FLRT2: variants seen among roughly 807,000 people sequenced by gnomAD.
FLRT2 encodes the protein fibronectin leucine rich transmembrane protein 2.
In FLRT2, 15 loss-of-function variants were observed where a neutral mutation model predicts 40.0. The ratio of observed to expected loss-of-function variants is 0.38; its 90% CI spans 0.25 to 0.58. The LOEUF (loss-of-function observed/expected upper bound fraction) is 0.58. Among genes scored for constraint, FLRT2 ranks in the 20% least tolerant of loss-of-function variants. FLRT2 has a pLI of 0.71. For synonymous variants in FLRT2, 380 were observed against 336.8 expected (o/e 1.13, Z -1.41); for missense variants, 726 against 840.0 (o/e 0.86, Z 1.68).
At chr14:85,565,077 T>C (rs1440873675) in intron 1 of FLRT2, among the ~76,000 whole-genome samples, 2 of 152,212 alleles carry the variant, frequency 1.3e-5, no homozygotes, top group African/African-American at 4.8e-5. Flanking sequence ...TAAAGTGTTA[T>C]TTTAAACCAG....
At chr14:85,546,258 C>T (rs895049058) in intron 1 of FLRT2, among the ~76,000 whole-genome samples, 2 of 152,140 alleles carry the variant, frequency 1.3e-5, no homozygotes, top group Non-Finnish European at 2.9e-5. Context: ...TGGTATTTCT[C>T]TGTAAATATT....
chr14:85,595,555 G>T lies in FLRT2; in HGVS notation c.-376-25584G>T, dbSNP rs536194320. 8.6e-5 allele frequency among the ~76,000 whole-genome samples: 13 copies of T among 151,986 alleles called. No homozygotes were observed. The East Asian group carries it at 2.5e-3, about 30-fold the overall frequency. On this transcript the variant is annotated intron_variant, in intron 1 of 1. Coordinates refer to ENST00000330753, the MANE Select transcript of FLRT2 (RefSeq NM_013231.6). The stretch of plus-strand genomic sequence containing the variant: ...ATATGTGCTTGTTTGTTACATATGT[G>T]TATATGCACACAGCTATGAGAAATC...
At chr14:85,603,329 C>T (rs1426918904) in intron 1 of FLRT2, among the ~76,000 whole-genome samples, 3 of 151,600 alleles carry the variant, frequency 2.0e-5, no homozygotes, top group Admixed American at 6.6e-5. Context: ...AGGTTCCGGG[C>T]ATCGATTATG....
At chr14:85,550,228 A>G (rs576490330) in intron 1 of FLRT2, among the ~76,000 whole-genome samples, 83 of 152,242 alleles carry the variant, frequency 5.5e-4, no homozygotes, top group African/African-American at 2.0e-3. Flanking sequence ...TAAACGAGAA[A>G]ATAGCCACAT....
chr14:85,654,135 A>G lies in FLRT2; in HGVS notation c.*30638A>G, dbSNP rs1010976979. 3.3e-5 allele frequency: 5 copies of G among 152,080 alleles called. No homozygotes were observed. Among genetic ancestry groups the G allele is most frequent in the East Asian group, 1.9e-4 (1 of 5,164 alleles). 9.4% of individuals were successfully genotyped at this position (152,080 alleles called of 1,614,324 possible). A position where few individuals can be genotyped will look rare whatever the true frequency, so the allele number is the denominator to read the frequency against. On this transcript the variant is annotated 3_prime_UTR_variant, in exon 2 of 2. Coordinates refer to ENST00000330753, the MANE Select transcript of FLRT2 (RefSeq NM_013231.6). ...TACCTTGATGTTTATGTCTATGCCA[A>G]ACTTGCTCTGCTGAGTTCCTGGTGG... is the stretch of plus-strand genomic sequence containing the variant.
intron 1 of FLRT2, among the ~76,000 whole-genome samples, chr14:85,576,266 C>CA (rs1014665433): frequency 6.6e-6 from 1 of 151,960 alleles, no homozygotes; most frequent in Non-Finnish European, 1.5e-5. Context: ...TAAGTATTTA[C>CA]TTTTTTTTGT....
intron 1 of FLRT2, among the ~76,000 whole-genome samples, chr14:85,539,945 C>G (rs977728058): frequency 2.0e-5 from 3 of 152,188 alleles, no homozygotes; most frequent in Non-Finnish European, 4.4e-5. Flanking sequence ...GGATTATCTC[C>G]TTTTCTGAGT....
At chr14:85,613,974 G>T (rs2139357105) in intron 1 of FLRT2, among the ~76,000 whole-genome samples, 1 of 152,228 alleles carries the variant, frequency 6.6e-6, no homozygotes, top group South Asian at 2.1e-4. Context: ...ACCAAATTAG[G>T]GACAAATGCT....
rs935078759 is a variant in FLRT2 at position 85,645,867 on chromosome 14, A to G, written c.*22370A>G. ...TGGTAGAGTCAATACTGAGTACCTAAGAGCCCAATTCTGATACTCTCATAT... is the reference window on the plus strand; with the variant it reads ...TGGTAGAGTCAATACTGAGTACCTAGGAGCCCAATTCTGATACTCTCATAT... On this transcript the variant is annotated 3_prime_UTR_variant, in exon 2 of 2. Coordinates refer to ENST00000330753, the MANE Select transcript of FLRT2 (RefSeq NM_013231.6). 6.6e-6 allele frequency: 1 copy of G among 152,184 alleles called. No homozygotes were observed. Among genetic ancestry groups the G allele is most frequent in the Admixed American group, 6.5e-5 (1 of 15,272 alleles). The allele number at this position is 152,184 out of a possible 1,614,324, so 9.4% of individuals were successfully genotyped here. A position where few individuals can be genotyped will look rare whatever the true frequency, so the allele number is the denominator to read the frequency against.
rs1003025809 is a variant in FLRT2, at chr14:85,624,506, T to C, written c.*1009T>C. The C allele has an allele frequency of 2.4e-5, 4 of 167,076 alleles. No homozygotes were observed. The highest frequency in any genetic ancestry group is 5.9e-5 in the Non-Finnish European group (4 of 68,120). The allele number at this position is 167,076 out of a possible 1,614,324, so 10.3% of individuals were successfully genotyped here. ...GTTTGGAAAATACAACAATGACTTATTTAAAAATTACCCTTCCTGCTATTT... is the reference window on the plus strand; with the variant it reads ...GTTTGGAAAATACAACAATGACTTACTTAAAAATTACCCTTCCTGCTATTT... On this transcript the variant is annotated 3_prime_UTR_variant, in exon 2 of 2. Coordinates refer to ENST00000330753, the MANE Select transcript of FLRT2 (RefSeq NM_013231.6).
intron 1 of FLRT2, among the ~76,000 whole-genome samples, chr14:85,551,425 A>G (rs1034063117): frequency 7.9e-5 from 12 of 152,202 alleles, no homozygotes; most frequent in African/African-American, 2.9e-4. Flanking sequence ...ACCTTCTAGT[A>G]TCTCCTTTTC....
chr14:85,578,320 C>A (rs1416519063), intron 1 of FLRT2, among the ~76,000 whole-genome samples: 1 of 151,530 alleles, frequency 6.6e-6, no homozygotes, highest in African/African-American at 2.4e-5. Flanking sequence ...TCTCCTGCAA[C>A]AGTTTTTGTG....
At position 85,629,688 on chromosome 14, in the gene FLRT2, T is replaced by C. The variant is rs937185826; in HGVS notation, c.*6191T>C. The C allele has an allele frequency of 1.3e-5, 2 of 152,220 alleles. No individual in the cohort carries two copies. Among genetic ancestry groups the C allele is most frequent in the Admixed American group, 6.5e-5 (1 of 15,274 alleles). 9.4% of individuals were successfully genotyped at this position (152,220 alleles called of 1,614,324 possible). A position where few individuals can be genotyped will look rare whatever the true frequency, so the allele number is the denominator to read the frequency against. ...CTCCATGGACTCTTAATTGTTTTCC[T>C]GCCTCTTAATAAATTGACCATCCTT... is the stretch of plus-strand genomic sequence containing the variant. On this transcript the variant is annotated 3_prime_UTR_variant, in exon 2 of 2. Transcript: ENST00000330753.
chr14:85,640,699 C>T lies in FLRT2; in HGVS notation c.*17202C>T, dbSNP rs1178234972. The T allele has an allele frequency of 1.3e-5, 2 of 152,192 alleles. No homozygotes were observed. Among genetic ancestry groups the T allele is most frequent in the Admixed American group, 1.3e-4 (2 of 15,276 alleles). 9.4% of individuals were successfully genotyped at this position (152,192 alleles called of 1,614,324 possible). A position where few individuals can be genotyped will look rare whatever the true frequency, so the allele number is the denominator to read the frequency against. ...TCTCACTGGTCAGGTTCAGTCTTTG[C>T]TATTAGAGTCGAGCATCTCTGCAAA... On this transcript the variant is annotated 3_prime_UTR_variant, in exon 2 of 2. Transcript: ENST00000330753.
At chr14:85,605,772 A>T (rs1291354293) in intron 1 of FLRT2, among the ~76,000 whole-genome samples, 1 of 152,154 alleles carries the variant, frequency 6.6e-6, no homozygotes, top group Non-Finnish European at 1.5e-5. Context: ...TCTCAAAAAT[A>T]AAAATAAATA....
At chr14:85,568,888 T>A (rs1276504454) in intron 1 of FLRT2, among the ~76,000 whole-genome samples, 2 of 152,154 alleles carry the variant, frequency 1.3e-5, no homozygotes, top group Admixed American at 1.3e-4. Flanking sequence ...CTGGTGTATA[T>A]CAGCCGCCTC....
rs1304603751 is a variant in FLRT2, at chr14:85,650,153, G to A, written c.*26656G>A. On this transcript the variant is annotated 3_prime_UTR_variant, in exon 2 of 2. Coordinates refer to ENST00000330753, the MANE Select transcript of FLRT2 (RefSeq NM_013231.6). The stretch of plus-strand genomic sequence containing the variant: ...ACTTACTACGTTCATATGTATTGAT[G>A]TACAGTATAGCCTTATTTTACGTGT... The A allele has an allele frequency of 1.3e-5, 2 of 151,916 alleles. No individual in the cohort carries two copies. Among genetic ancestry groups the A allele is most frequent in the East Asian group, 3.9e-4 (2 of 5,188 alleles). The allele number at this position is 151,916 out of a possible 1,614,324, so 9.4% of individuals were successfully genotyped here. A position where few individuals can be genotyped will look rare whatever the true frequency, so the allele number is the denominator to read the frequency against.
At chr14:85,558,026 G>T (rs1283792115) in intron 1 of FLRT2, among the ~76,000 whole-genome samples, 1 of 152,100 alleles carries the variant, frequency 6.6e-6, no homozygotes, top group East Asian at 1.9e-4. Flanking sequence ...AGCATCCATA[G>T]ACTTCCGTAG....
chr14:85,589,750 A>G (rs985640011), intron 1 of FLRT2, among the ~76,000 whole-genome samples: 1 of 152,084 alleles, frequency 6.6e-6, no homozygotes. Flanking sequence ...GAGGTCTTAG[A>G]TTTAAGTCTT....
Sources: gnomAD v4.1 joint callset for allele counts (sites outside exome capture counted in the v4.1 genomes callset) on GRCh38, gnomAD v4.1.1 for gene constraint, MANE v1.5 for transcripts, NCBI Gene and HGNC (gene_info 2026-07-23, HGNC 2026-07-21) for gene names.